Variants in LRRTM3 observed in about 807,000 individuals in gnomAD.
LRRTM3 encodes leucine rich repeat transmembrane neuronal 3, also known as leucine-rich repeat transmembrane neuronal protein 3.
LRRTM3 carries 24 observed loss-of-function variants against 44.7 expected under a neutral mutation model. The observed-to-expected ratio is 0.54, with a 90% CI of 0.39 to 0.76. LRRTM3 has a LOEUF of 0.76. LRRTM3 is among the 30% of genes least tolerant of loss of function. The pLI is 0.00. For synonymous variants in LRRTM3, 277 were observed against 278.7 expected (o/e 0.99, Z 0.06); for missense variants, 587 against 702.2 (o/e 0.84, Z 1.85).
intron 2 of LRRTM3, among the ~76,000 whole-genome samples, chr10:66,963,145 T>C (rs1405248440): frequency 6.6e-6 from 1 of 152,146 alleles, no homozygotes; most frequent in Non-Finnish European, 1.5e-5. Context: ...ACAAAGCTAG[T>C]ACTTACAGTA....
intron 2 of LRRTM3, among the ~76,000 whole-genome samples, chr10:67,096,934 C>T (rs2394342): frequency 0.56 from 84,270 of 151,696 alleles, 24,772 homozygotes; most frequent in African/African-American, 0.76. Flanking sequence ...AAGGAATCTT[C>T]ATGATAAAAT....
At chr10:67,031,189 T>G (rs992836901) in intron 2 of LRRTM3, among the ~76,000 whole-genome samples, 5 of 152,144 alleles carry the variant, frequency 3.3e-5, no homozygotes, top group Middle Eastern at 3.2e-3. Flanking sequence ...ACCCTCTGAT[T>G]TATATAAATT....
rs185179768 is a variant in LRRTM3, at chr10:67,100,687, C to T, written c.*2891C>T. 1.6e-4 allele frequency among the ~76,000 whole-genome samples: 25 copies of T among 151,754 alleles called. No homozygotes were observed. The highest frequency in any genetic ancestry group is 7.3e-4 in the Admixed American group (11 of 15,164). On this transcript the variant is annotated 3_prime_UTR_variant, in exon 3 of 3. Coordinates refer to ENST00000361320, the MANE Select transcript of LRRTM3 (RefSeq NM_178011.5). ...CACCCAGCATGGTTACAATAACAGCCAGCAGCTGCAGCAAACCATAAAGTT... is the reference window on the plus strand; with the variant it reads ...CACCCAGCATGGTTACAATAACAGCTAGCAGCTGCAGCAAACCATAAAGTT...
chr10:67,084,680 T>G (rs1172987392), intron 2 of LRRTM3, among the ~76,000 whole-genome samples: 1 of 151,810 alleles, frequency 6.6e-6, no homozygotes, highest in Non-Finnish European at 1.5e-5. Flanking sequence ...AATGGACACT[T>G]AAATAACAGA....
At chr10:66,926,696 C>T in intron 1 of LRRTM3, 109 bp downstream of exon 1, 7 of 1,295,548 alleles carry the variant, frequency 5.4e-6, no homozygotes, top group Non-Finnish European at 7.6e-6. Flanking sequence ...TTGCTCTGCT[C>T]TAAGACTATG....
chr10:66,934,024 T>C (rs141705690), intron 2 of LRRTM3, among the ~76,000 whole-genome samples: 1 of 152,126 alleles, frequency 6.6e-6, no homozygotes, highest in Non-Finnish European at 1.5e-5. Flanking sequence ...ATGGACGCTC[T>C]TGAGTTAGGG....
chr10:67,037,923 G>A (rs1454109353), intron 2 of LRRTM3, among the ~76,000 whole-genome samples: 1 of 151,996 alleles, frequency 6.6e-6, no homozygotes, highest in Non-Finnish European at 1.5e-5. Context: ...AGAAACCCAG[G>A]AATACCAACA....
intron 2 of LRRTM3, among the ~76,000 whole-genome samples, chr10:67,025,161 G>A (rs558808368): frequency 1.3e-5 from 2 of 149,054 alleles, no homozygotes; most frequent in Non-Finnish European, 3.0e-5. Context: ...AGAAAGGAAG[G>A]AAGGAAGGAA....
chr10:66,943,660 T>C (rs1214662159), intron 2 of LRRTM3, among the ~76,000 whole-genome samples: 1 of 152,172 alleles, frequency 6.6e-6, no homozygotes, highest in Non-Finnish European at 1.5e-5. Flanking sequence ...ACATGCTACT[T>C]AAACATAGTT....
At chr10:66,978,371 C>A (rs547439939) in intron 2 of LRRTM3, among the ~76,000 whole-genome samples, 3 of 150,678 alleles carry the variant, frequency 2.0e-5, no homozygotes, top group East Asian at 3.9e-4. Context: ...ACTAAAAATA[C>A]AAAAAACTAG....
At chr10:67,065,056 T>C (rs1855992699) in intron 2 of LRRTM3, among the ~76,000 whole-genome samples, 1 of 152,102 alleles carries the variant, frequency 6.6e-6, no homozygotes, top group African/African-American at 2.4e-5. Flanking sequence ...CCATAAAGCC[T>C]CAGTAGACAT....
At chr10:67,019,311 C>G (rs1003797407) in intron 2 of LRRTM3, among the ~76,000 whole-genome samples, 1 of 152,086 alleles carries the variant, frequency 6.6e-6, no homozygotes, top group African/African-American at 2.4e-5. Context: ...CTCTGCCTTC[C>G]GGGTCCAAGC....
intron 2 of LRRTM3, among the ~76,000 whole-genome samples, chr10:67,096,733 C>A (rs1223614639): frequency 6.6e-6 from 1 of 151,804 alleles, no homozygotes; most frequent in Non-Finnish European, 1.5e-5. Context: ...TGCTTTTTCC[C>A]TCACTTTTAG....
intron 2 of LRRTM3, among the ~76,000 whole-genome samples, chr10:66,988,820 A>G (rs564581656): frequency 6.6e-6 from 1 of 152,144 alleles, no homozygotes; most frequent in Non-Finnish European, 1.5e-5. Flanking sequence ...ATAGATCATT[A>G]TAAACCTCTT....
At chr10:67,003,894 A>G (rs1051814531) in intron 2 of LRRTM3, among the ~76,000 whole-genome samples, 3 of 152,218 alleles carry the variant, frequency 2.0e-5, no homozygotes, top group African/African-American at 7.2e-5. Flanking sequence ...AACGGAAGAG[A>G]ATAAACTGTG....
chr10:66,972,670 T>A (rs1478986929), intron 2 of LRRTM3, among the ~76,000 whole-genome samples: 4 of 151,208 alleles, frequency 2.6e-5, no homozygotes, highest in Admixed American at 2.6e-4. Flanking sequence ...AAGCTTTATA[T>A]AGATACAATT....
intron 2 of LRRTM3, among the ~76,000 whole-genome samples, chr10:66,954,484 C>T (rs780949192): frequency 7.2e-5 from 11 of 152,136 alleles, no homozygotes; most frequent in Non-Finnish European, 1.5e-4. Flanking sequence ...TTGTGCACTA[C>T]ACGGTCCCGC....
chr10:67,087,560 AAAAAT>A (rs1857374714), intron 2 of LRRTM3, among the ~76,000 whole-genome samples: 1 of 151,906 alleles, frequency 6.6e-6, no homozygotes. Context: ...AGTTTTAAAT[AAAAAT>A]AATAAAGGAT....
At chr10:67,003,770 G>T (rs1488924530) in intron 2 of LRRTM3, among the ~76,000 whole-genome samples, 5 of 152,166 alleles carry the variant, frequency 3.3e-5, no homozygotes, top group Admixed American at 3.3e-4. Context: ...GTTAACTGGA[G>T]AAATCAATAC....
Sources: allele counts gnomAD v4.1 joint callset (sites outside exome capture counted in the v4.1 genomes callset), GRCh38; gene constraint gnomAD v4.1.1; transcripts MANE v1.5; gene names NCBI Gene and HGNC (gene_info 2026-07-23, HGNC 2026-07-21).